SMIM13: variants seen among roughly 807,000 people sequenced by gnomAD.
The protein encoded by SMIM13 is UPF0766 protein C6orf228.
A neutral mutation model predicts 5.9 loss-of-function variants in SMIM13; 3 were observed. That is an observed-to-expected ratio of 0.51 (90% CI 0.23 to 1.31). The LOEUF (loss-of-function observed/expected upper bound fraction) is 1.31. SMIM13 is among the 40% of genes most tolerant of loss of function. SMIM13 has a pLI of 0.18. For synonymous variants in SMIM13, 55 were observed against 46.0 expected, an observed-to-expected ratio of 1.19 and a Z score of -0.79; for missense variants, 85 against 109.9, an observed-to-expected ratio of 0.77 and a Z score of 1.01.
At chr6:11,117,195 G>A (rs371712366) in intron 1 of SMIM13, among the ~76,000 whole-genome samples, 1 of 125,960 alleles carries the variant, frequency 7.9e-6, no homozygotes, top group Admixed American at 7.8e-5. Flanking sequence ...ACGGAGTCTC[G>A]CTCTGTCGCC....
chr6:11,095,889 G>A (rs1010759638), intron 1 of SMIM13, among the ~76,000 whole-genome samples: 2 of 152,160 alleles, frequency 1.3e-5, no homozygotes, highest in African/African-American at 2.4e-5. Flanking sequence ...AGGAGGGAAA[G>A]CATTTATTAC....
intron 1 of SMIM13, among the ~76,000 whole-genome samples, chr6:11,117,219 A>T (rs1019235454): frequency 1.4e-5 from 2 of 140,022 alleles, no homozygotes; most frequent in African/African-American, 5.4e-5. Flanking sequence ...GCTGGAGTGC[A>T]GTGGCGGGAT....
At chr6:11,119,404 C>T (rs1758282747) in intron 1 of SMIM13, among the ~76,000 whole-genome samples, 1 of 152,034 alleles carries the variant, frequency 6.6e-6, no homozygotes, top group Admixed American at 6.6e-5. Flanking sequence ...CCTGTAATCC[C>T]AGCACTTTGG....
rs373841040 is a variant in SMIM13, at chr6:11,110,591, T to A, written c.76+16202T>A. ...GTGATTAGAGGAATGGAGGAAAATT[T>A]GTATTTGGGATTCTTCATCCTCCCA... On this transcript the variant is annotated intron_variant, in intron 1 of 1. Coordinates refer to ENST00000416247, the MANE Select transcript of SMIM13 (RefSeq NM_001135575.2). Among the ~76,000 whole-genome samples, 5 of 152,178 alleles carry A rather than the reference T, an allele frequency of 3.3e-5. No individual in the cohort carries two copies. The South Asian group carries it at 1.0e-3, about 32-fold the overall frequency.
intron 1 of SMIM13, among the ~76,000 whole-genome samples, chr6:11,133,442 T>G (rs1204288136): frequency 6.6e-6 from 1 of 152,212 alleles, no homozygotes; most frequent in East Asian, 1.9e-4. Flanking sequence ...CTGTTTATCT[T>G]GGCCTGGATT....
At chr6:11,102,638 G>A (rs1099) in intron 1 of SMIM13, 23,788 of 152,240 alleles carry the variant, frequency 0.16, 2,482 homozygotes, top group South Asian at 0.33. Context: ...CTTGGTTAAA[G>A]TTGAAAGGAC....
intron 1 of SMIM13, among the ~76,000 whole-genome samples, chr6:11,105,926 G>C (rs1394563488): frequency 1.3e-5 from 2 of 152,154 alleles, no homozygotes; most frequent in African/African-American, 4.8e-5. Context: ...AATTGCAAGG[G>C]AGCCTTAGGG....
At chr6:11,098,916 A>C (rs1019625050) in intron 1 of SMIM13, among the ~76,000 whole-genome samples, 1 of 152,242 alleles carries the variant, frequency 6.6e-6, no homozygotes, top group African/African-American at 2.4e-5. Context: ...GTGTTAGTCC[A>C]TTAATACATC....
chr6:11,105,659 G>C (rs1485548542), intron 1 of SMIM13: 1 of 206,442 alleles, frequency 4.8e-6, no homozygotes, highest in East Asian at 1.3e-4. Flanking sequence ...GAATGGTGAA[G>C]GGGCCCTTTC....
intron 1 of SMIM13, among the ~76,000 whole-genome samples, chr6:11,121,111 A>G (rs1424509702): frequency 1.3e-5 from 2 of 152,196 alleles, no homozygotes; most frequent in East Asian, 3.9e-4. Context: ...TCTATTGCTG[A>G]TTAGTTATTC....
In SMIM13 at chr6:11,138,028, A is replaced by C. The variant is rs1758537134; in HGVS notation, c.*3426A>C. The C allele has an allele frequency of 1.3e-5, 2 of 152,198 alleles. No individual in the cohort carries two copies. The highest frequency in any genetic ancestry group is 2.9e-5 in the Non-Finnish European group (2 of 68,022). 9.4% of individuals were successfully genotyped at this position (152,198 alleles called of 1,614,324 possible). ...ATGTTGAAAGATTTGAAAGTGGTGCATTTTTACTTTTAAGAGCAGCAATCT... is the reference window on the plus strand; with the variant it reads ...ATGTTGAAAGATTTGAAAGTGGTGCCTTTTTACTTTTAAGAGCAGCAATCT... On this transcript the variant is annotated 3_prime_UTR_variant, in exon 2 of 2. Transcript: ENST00000416247.
intron 1 of SMIM13, among the ~76,000 whole-genome samples, chr6:11,096,069 T>A (rs764040010): frequency 1.3e-5 from 2 of 152,262 alleles, no homozygotes; most frequent in Non-Finnish European, 2.9e-5. Context: ...TACACATTTT[T>A]CTAAAAGTGC....
chr6:11,123,887 C>T (rs1758342907), intron 1 of SMIM13, among the ~76,000 whole-genome samples: 1 of 151,984 alleles, frequency 6.6e-6, no homozygotes, highest in Non-Finnish European at 1.5e-5. Context: ...TTTGTGGGTA[C>T]ATAGTAGGTA....
chr6:11,115,844 C>T (rs1243596121), intron 1 of SMIM13, among the ~76,000 whole-genome samples: 1 of 148,648 alleles, frequency 6.7e-6, no homozygotes, highest in African/African-American at 2.5e-5. Context: ...GCCACCATGC[C>T]TGGCTAATTT....
intron 1 of SMIM13, among the ~76,000 whole-genome samples, chr6:11,106,888 C>T (rs995162431): frequency 3.9e-5 from 6 of 152,206 alleles, no homozygotes; most frequent in South Asian, 2.1e-4. Context: ...TAGGTACACC[C>T]TCTCCTTCCA....
intron 1 of SMIM13, 52 bp downstream of exon 1, chr6:11,094,441 T>C: frequency 7.2e-7 from 1 of 1,382,576 alleles, no homozygotes; most frequent in Non-Finnish European, 9.8e-7. Context: ...GTCGCTGATC[T>C]GCTGGGGTTT....
At chr6:11,106,767 G>A (rs914187491) in intron 1 of SMIM13, among the ~76,000 whole-genome samples, 4 of 152,152 alleles carry the variant, frequency 2.6e-5, no homozygotes, top group African/African-American at 7.2e-5. Flanking sequence ...TTTCATTAGA[G>A]CCCCTTTGGT....
intron 1 of SMIM13, among the ~76,000 whole-genome samples, chr6:11,114,950 G>A (rs6456868): frequency 0.22 from 32,826 of 151,930 alleles, 3,903 homozygotes; most frequent in African/African-American, 0.31. Flanking sequence ...GTTGCATTTC[G>A]AATGTGAAAG....
At chr6:11,095,370 C>T (rs1359619874) in intron 1 of SMIM13, among the ~76,000 whole-genome samples, 1 of 152,172 alleles carries the variant, frequency 6.6e-6, no homozygotes, top group Non-Finnish European at 1.5e-5. Context: ...GATGGAGTCT[C>T]GCTCTTGTTG....
Sources: gnomAD v4.1 joint callset for allele counts (sites outside exome capture counted in the v4.1 genomes callset) on GRCh38, gnomAD v4.1.1 for gene constraint, MANE v1.5 for transcripts, NCBI Gene and HGNC (gene_info 2026-07-23, HGNC 2026-07-21) for gene names.